Variants in MMEL1 observed in about 807,000 individuals in gnomAD.
The protein encoded by MMEL1 is membrane metallo-endopeptidase-like 1.
A neutral mutation model predicts 117.1 loss-of-function variants in MMEL1; 98 were observed. The observed-to-expected ratio is 0.84, with a 90% CI of 0.71 to 0.99. MMEL1 has a LOEUF of 0.99. Among genes scored for constraint, MMEL1 ranks in the 50% least tolerant of loss-of-function variants. MMEL1 has a pLI of 0.00. For synonymous variants in MMEL1, 390 were observed against 415.1 expected, an observed-to-expected ratio of 0.94 and a Z score of 0.74; for missense variants, 1,014 against 1,049.1, an observed-to-expected ratio of 0.97 and a Z score of 0.46.
rs1441732821 is a variant in MMEL1 at position 2,621,684 on chromosome 1, C to T, written c.154+7647G>A. Among the ~76,000 whole-genome samples, 4 of 152,296 alleles carry T rather than the reference C, an allele frequency of 2.6e-5. No individual in the cohort carries two copies. The East Asian group carries it at 7.7e-4, about 29-fold the overall frequency. ...GTTCAAGTGATTCTCCTGCCTCAGC[C>T]TCCCGAGTAGCTGGGATTACAGGCA... On this transcript the variant is annotated intron_variant, in intron 2 of 23. Coordinates refer to ENST00000378412, the MANE Select transcript of MMEL1 (RefSeq NM_033467.4).
At chr1:2,626,097 C>G (rs550645115) in intron 2 of MMEL1, among the ~76,000 whole-genome samples, 1 of 152,296 alleles carries the variant, frequency 6.6e-6, no homozygotes, top group South Asian at 2.1e-4. Flanking sequence ...AGCAGCGTAC[C>G]TTGTTGTGCA....
Position 2,628,659 on chromosome 1 carries a change from G to C in MMEL1, c.154+672C>G, listed in dbSNP as rs540983341. Among the ~76,000 whole-genome samples the C allele has an allele frequency of 2.7e-4, 40 of 147,636 alleles. 1 individual carries two copies. In the South Asian group the frequency reaches 9.0e-3, roughly 33 times the overall value. ...TGGGAGCCCCTGAACCAAGAGGGGA[G>C]ATCAAGGGAGGGGCCGGCGTGGGGG... On this transcript the variant is annotated intron_variant, in intron 2 of 23. Coordinates refer to ENST00000378412, the MANE Select transcript of MMEL1 (RefSeq NM_033467.4).
intron 4 of MMEL1, among the ~76,000 whole-genome samples, chr1:2,610,646 C>T (rs997944337): frequency 6.6e-6 from 1 of 152,224 alleles, no homozygotes; most frequent in Non-Finnish European, 1.5e-5. Context: ...GGCTTTGCCC[C>T]AGGAACCCCG....
intron 7 of MMEL1, 114 bp from the exon 8 acceptor site, chr1:2,606,480 G>A: frequency 2.8e-6 from 2 of 716,236 alleles, no homozygotes; most frequent in Non-Finnish European, 4.7e-6. Flanking sequence ...AGGGTGGGGA[G>A]CTCACCTGTG....
chr1:2,595,449 G>T lies in MMEL1; in HGVS notation c.1501-90C>A, dbSNP rs891428376. 72 of 1,095,422 alleles carry T rather than the reference G, an allele frequency of 6.6e-5. No homozygotes were observed. The African/African-American group carries it at 9.2e-4, about 14-fold the overall frequency. The allele number at this position is 1,095,422 out of a possible 1,614,324, so 67.9% of individuals were successfully genotyped here. On this transcript the variant is annotated intron_variant, in intron 15 of 23. Transcript: ENST00000378412. This position sits in a 1 kb window ranked among gnomAD's most constrained non-coding sequence, Gnocchi z 4.8. Reference sequence around the variant, plus strand: ...GTCAGTGAGTGCCACACTGTGGGAGGGGTCAGCCCGGGGCATCCTGGCTGT... The same window carrying T: ...GTCAGTGAGTGCCACACTGTGGGAGTGGTCAGCCCGGGGCATCCTGGCTGT...
intron 20 of MMEL1, 48 bp downstream of exon 20, chr1:2,592,785 C>T (rs1478368456): frequency 1.1e-5 from 17 of 1,611,470 alleles, no homozygotes; most frequent in Non-Finnish European, 1.4e-5. Flanking sequence ...AGGGCCAGGG[C>T]TGGGGCTCCG....
intron 1 of MMEL1, 149 bp from the exon 2 acceptor site, chr1:2,629,670 G>A: frequency 3.0e-6 from 2 of 659,094 alleles, no homozygotes; most frequent in Non-Finnish European, 4.8e-6. Flanking sequence ...CACAACCCTG[G>A]GTGACTGGGT....
intron 2 of MMEL1, among the ~76,000 whole-genome samples, chr1:2,616,810 T>C (rs1645208331): frequency 6.6e-6 from 1 of 152,230 alleles, no homozygotes; most frequent in African/African-American, 2.4e-5. Context: ...GGCGAGTTCA[T>C]GCCTCCTTCA....
intron 2 of MMEL1, among the ~76,000 whole-genome samples, chr1:2,619,541 C>G (rs1570704533): frequency 6.6e-6 from 1 of 151,894 alleles, no homozygotes; most frequent in East Asian, 1.9e-4. Flanking sequence ...ACCTGTAATC[C>G]CAGCTTCTCA....
chr1:2,607,103 T>A, intron 6 of MMEL1, 34 bp from the exon 7 acceptor site: 1 of 1,575,334 alleles, frequency 6.3e-7, no homozygotes, highest in South Asian at 1.1e-5. Context: ...TCTCCCAGCC[T>A]CCCTGTGGCT....
chr1:2,600,039 G>A (rs1644907582), intron 11 of MMEL1, among the ~76,000 whole-genome samples: 1 of 152,002 alleles, frequency 6.6e-6, no homozygotes, highest in Admixed American at 6.6e-5. Flanking sequence ...GCAATCTTGG[G>A]TCACTGCAAC....
rs778373020 is a variant in MMEL1 at position 2,604,246 on chromosome 1, C to T, written c.852G>A (p.Val284=). 6.2e-7 allele frequency: 1 copy of T among 1,612,892 alleles called. No individual in the cohort carries two copies. Among genetic ancestry groups the T allele is most frequent in the South Asian group, 1.1e-5 (1 of 91,090 alleles). The change falls in exon 10 of 24, where the codon GTG becomes GTA. Residue 284 remains valine (V), a synonymous_variant. Transcript: ENST00000378412. The part of the protein sequence containing the change: ...REAYLQFMVS[V]ATLLREDANL... The stretch of plus-strand genomic sequence containing the variant: ...TTGCATCCTCCCGCAGCAACGTGGC[C>T]ACTGACACCATGAACTGCAGGTAGG...
intron 11 of MMEL1, among the ~76,000 whole-genome samples, chr1:2,603,057 C>T (rs754225646): frequency 6.6e-5 from 10 of 152,170 alleles, no homozygotes; most frequent in East Asian, 5.8e-4. Context: ...GGTGTGTCCC[C>T]GCAGGCCAGC....
At position 2,591,867 on chromosome 1, in the gene MMEL1, G is replaced by C. The variant is rs555974692; in HGVS notation, c.2163+65C>G. Reference sequence around the variant, plus strand: ...GGCTCTGGTCCCTGGAGGTGCCCCAGAGTGGGCCCTCCAGAGATGAGTGGG... The same window carrying C: ...GGCTCTGGTCCCTGGAGGTGCCCCACAGTGGGCCCTCCAGAGATGAGTGGG... On this transcript the variant is annotated intron_variant, in intron 22 of 23. Coordinates refer to ENST00000378412, the MANE Select transcript of MMEL1 (RefSeq NM_033467.4). The C allele has an allele frequency of 1.2e-4, 175 of 1,493,466 alleles. 1 individual carries two copies. In the African/African-American group the frequency reaches 2.3e-3, roughly 19 times the overall value. 92.5% of individuals were successfully genotyped at this position (1,493,466 alleles called of 1,614,324 possible). A position where few individuals can be genotyped will look rare whatever the true frequency, so the allele number is the denominator to read the frequency against.
chr1:2,619,517 G>T (rs867154870), intron 2 of MMEL1, among the ~76,000 whole-genome samples: 5 of 152,004 alleles, frequency 3.3e-5, no homozygotes, highest in Non-Finnish European at 5.9e-5. Context: ...AATTAGCCAG[G>T]CATGGTGGCG....
At chr1:2,603,539 G>A (rs6664969) in intron 11 of MMEL1, among the ~76,000 whole-genome samples, 60,425 of 151,946 alleles carry the variant, frequency 0.4, 12,691 homozygotes, top group African/African-American at 0.51. Context: ...AGCGGGACTT[G>A]GGGTCTGAGA....
rs568326480 is a variant in MMEL1, at chr1:2,612,682, C to T, written c.155-478G>A. Among the ~76,000 whole-genome samples the T allele has an allele frequency of 1.3e-5, 2 of 152,088 alleles. No individual in the cohort carries two copies. Among genetic ancestry groups the T allele is most frequent in the Non-Finnish European group, 2.9e-5 (2 of 68,022 alleles). ...CCCACTAATGACCCTTGTCCCTAGC[C>T]CCTCCACCCTCACTGCTGCTGAAGG... is the stretch of plus-strand genomic sequence containing the variant. On this transcript the variant is annotated intron_variant, in intron 2 of 23. Coordinates refer to ENST00000378412, the MANE Select transcript of MMEL1 (RefSeq NM_033467.4). The surrounding 1 kb of genome is among the most constrained non-coding windows in gnomAD (Gnocchi z 5.4).
chr1:2,598,787 A>C lies in MMEL1; in HGVS notation c.1045T>G (p.Phe349Val), dbSNP rs1015741461. ...ELQSQFGLKG[F>V]NWTLFIQTVL... ...GTTTGTATGAACAGAGTCCAGTTAA[A>C]TCCCTGCAGATAGAGGAAGTGGGGA... The change falls in exon 12 of 24, where the codon TTT (phenylalanine) becomes GTT (valine). Residue 349 changes from phenylalanine (F) to valine (V), a missense_variant. Coordinates refer to ENST00000378412, the MANE Select transcript of MMEL1 (RefSeq NM_033467.4). 9 of 1,609,562 alleles carry C rather than the reference A, an allele frequency of 5.6e-6. No homozygotes were observed. The highest frequency in any genetic ancestry group is 7.7e-6 in the Non-Finnish European group (9 of 1,176,364).
intron 10 of MMEL1, 81 bp downstream of exon 10, chr1:2,604,065 AC>A: frequency 6.5e-7 from 1 of 1,548,384 alleles, no homozygotes; most frequent in Non-Finnish European, 8.7e-7. Context: ...CCCACCCAGC[AC>A]CCCCTCACCT....
Sources: allele counts gnomAD v4.1 joint callset (sites outside exome capture counted in the v4.1 genomes callset), GRCh38; gene constraint gnomAD v4.1.1; non-coding constraint Gnocchi (gnomAD v3.1); transcripts MANE v1.5; gene names NCBI Gene and HGNC (gene_info 2026-07-23, HGNC 2026-07-21).